The following CACNA1I variants were observed in gnomAD, a reference collection of about 807,000 sequenced individuals.
CACNA1I encodes calcium voltage-gated channel subunit alpha1 I.
CACNA1I carries 74 observed loss-of-function variants against 201.6 expected under a neutral mutation model. That is an observed-to-expected ratio of 0.37 (90% CI 0.30 to 0.45). CACNA1I has a LOEUF of 0.45. CACNA1I is among the 20% of genes least tolerant of loss of function. The pLI is 1.00. For synonymous variants in CACNA1I, 1,431 were observed against 1,345.2 expected (o/e 1.06, Z -1.40); for missense variants, 2,346 against 3,138.1 (o/e 0.75, Z 6.03).
rs552022742 is a variant in CACNA1I, at chr22:39,682,540, C to T, written c.5709C>T (p.Gly1903=). 5.0e-5 allele frequency: 81 copies of T among 1,613,736 alleles called. No individual in the cohort carries two copies. The highest frequency in any genetic ancestry group is 6.7e-5 in the East Asian group (3 of 44,866). ...AGCCCATGCGTGTGGGAGACCTGGG[C>T]GAATGCTTCTTCCCCTTGTCCTCTA... ...PPEPMRVGDL[G]ECFFPLSSTA... is the part of the protein sequence containing the mutation. The change falls in exon 35 of 37, where the codon GGC becomes GGT. Residue 1903 remains glycine, a synonymous_variant. Coordinates refer to ENST00000402142, the MANE Select transcript of CACNA1I (RefSeq NM_021096.4).
At chr22:39,658,054 C>A in intron 10 of CACNA1I, 98 bp from the exon 11 acceptor site, 2 of 1,316,316 alleles carry the variant, frequency 1.5e-6, no homozygotes, top group Admixed American at 1.8e-5. Flanking sequence ...AGGACACCGA[C>A]CTGCCAGGGT....
intron 4 of CACNA1I, among the ~76,000 whole-genome samples, chr22:39,626,197 G>A (rs770781336): frequency 2.2e-4 from 33 of 152,202 alleles, no homozygotes; most frequent in South Asian, 4.1e-4. Flanking sequence ...AGTAAGCCAC[G>A]TGCCTCTCCG....
chr22:39,606,894 A>G (rs1435574758), intron 3 of CACNA1I, among the ~76,000 whole-genome samples: 1 of 152,260 alleles, frequency 6.6e-6, no homozygotes, highest in Non-Finnish European at 1.5e-5. Context: ...TTAGGAGGTC[A>G]TGAACTATTC....
At position 39,666,884 on chromosome 22, in the gene CACNA1I, A is replaced by G. The variant is rs554735154; in HGVS notation, c.4104+878A>G. ...TCACTACCCCTGCCCTCCTGGGGAA[A>G]AGATGTCTTAGGAAGTTGAGGGGGA... On this transcript the variant is annotated intron_variant, in intron 23 of 36. Coordinates refer to ENST00000402142, the MANE Select transcript of CACNA1I (RefSeq NM_021096.4). This position sits in a 1 kb window ranked among gnomAD's most constrained non-coding sequence, Gnocchi z 4.1. Among the ~76,000 whole-genome samples the G allele has an allele frequency of 1.3e-5, 2 of 152,290 alleles. No homozygotes were observed. Among genetic ancestry groups the G allele is most frequent in the Admixed American group, 1.3e-4 (2 of 15,300 alleles).
chr22:39,661,970 C>G lies in CACNA1I; in HGVS notation c.2907C>G (p.Ser969Arg). 6.5e-7 allele frequency: 1 copy of G among 1,528,550 alleles called. No homozygotes were observed. Among genetic ancestry groups the G allele is most frequent in the Non-Finnish European group, 8.7e-7 (1 of 1,143,192 alleles). 94.7% of individuals were successfully genotyped at this position (1,528,550 alleles called of 1,614,324 possible). ...CGAACGGGAACTCCTTCCAGTCCAGCTCCCGGAGCTCCTACTACGGGCCAT... is the reference window on the plus strand; with the variant it reads ...CGAACGGGAACTCCTTCCAGTCCAGGTCCCGGAGCTCCTACTACGGGCCAT... ...RMSYDQRSLS[S>R]SRSSYYGPWG... is the part of the protein sequence containing the mutation. Residue 969 changes from serine to arginine, a missense_variant, in exon 17 of 37, where the codon AGC becomes AGG. By Grantham distance (110) the Ser-to-Arg change is moderately radical. Coordinates refer to ENST00000402142, the MANE Select transcript of CACNA1I (RefSeq NM_021096.4).
intron 17 of CACNA1I, 117 bp from the exon 18 acceptor site, chr22:39,662,659 G>T: frequency 1.3e-6 from 1 of 777,934 alleles, no homozygotes; most frequent in Non-Finnish European, 2.1e-6. Context: ...GGCTGCCCCC[G>T]GGGGGCAGAG....
At chr22:39,680,359 C>G (rs1435642707) in intron 33 of CACNA1I, among the ~76,000 whole-genome samples, 1 of 152,196 alleles carries the variant, frequency 6.6e-6, no homozygotes, top group Non-Finnish European at 1.5e-5. Flanking sequence ...TCCCCTCTCC[C>G]CAGCAGTGTG....
chr22:39,634,945 G>A (rs143948588), intron 5 of CACNA1I, among the ~76,000 whole-genome samples: 420 of 152,152 alleles, frequency 2.8e-3, no homozygotes, highest in Non-Finnish European at 4.7e-3. Flanking sequence ...TTGGCTCTCC[G>A]CCCACAGCAC....
At chr22:39,579,528 G>C (rs1321893491) in intron 1 of CACNA1I, among the ~76,000 whole-genome samples, 1 of 152,230 alleles carries the variant, frequency 6.6e-6, no homozygotes, top group African/African-American at 2.4e-5. Flanking sequence ...TACAAGAAGT[G>C]TGATGCCAGC....
At chr22:39,584,981 T>A (rs1932695094) in intron 1 of CACNA1I, among the ~76,000 whole-genome samples, 1 of 152,258 alleles carries the variant, frequency 6.6e-6, no homozygotes, top group Non-Finnish European at 1.5e-5. Context: ...AATATATGTT[T>A]CTTTATCAAA....
chr22:39,673,443 C>T (rs1935431106), intron 28 of CACNA1I, among the ~76,000 whole-genome samples: 1 of 152,226 alleles, frequency 6.6e-6, no homozygotes, highest in African/African-American at 2.4e-5. Context: ...TCCTCGCTGG[C>T]ATTTCTCAAA....
chr22:39,650,360 C>T (rs897465422), intron 10 of CACNA1I, among the ~76,000 whole-genome samples: 5 of 152,106 alleles, frequency 3.3e-5, no homozygotes, highest in Admixed American at 3.3e-4. Flanking sequence ...GCTCTGCTGC[C>T]CAGGCTGGAG....
chr22:39,652,126 C>T (rs1934670395), intron 10 of CACNA1I, among the ~76,000 whole-genome samples: 1 of 152,122 alleles, frequency 6.6e-6, no homozygotes, highest in Non-Finnish European at 1.5e-5. Context: ...CTCCCCCTCC[C>T]AGGTTCAAGC....
intron 1 of CACNA1I, among the ~76,000 whole-genome samples, chr22:39,592,193 C>T (rs1191993938): frequency 6.6e-6 from 1 of 152,170 alleles, no homozygotes; most frequent in Non-Finnish European, 1.5e-5. Flanking sequence ...CAAGGAAACT[C>T]GATTGATTGC....
chr22:39,571,737 C>T lies in CACNA1I; in HGVS notation c.236+749C>T, dbSNP rs145384438. Among the ~76,000 whole-genome samples, 514 of 152,360 alleles carry T rather than the reference C, an allele frequency of 3.4e-3. 12 individuals carry two copies. Among genetic ancestry groups the T allele is most frequent in the Admixed American group, 0.027 (406 of 15,302 alleles). ...CCTTAAAATCCCAGCTTAAGCATCA[C>T]CTCCTCAGGGAAGCCCTCTGGGATT... On this transcript the variant is annotated intron_variant, in intron 1 of 36. Transcript: ENST00000402142.
chr22:39,644,684 C>CTT (rs879636992), intron 7 of CACNA1I, among the ~76,000 whole-genome samples: 4 of 144,662 alleles, frequency 2.8e-5, no homozygotes, highest in African/African-American at 7.6e-5. Flanking sequence ...AATTTTCTTT[C>CTT]TTTTTTTTTT....
intron 18 of CACNA1I, among the ~76,000 whole-genome samples, 196 bp downstream of exon 18, chr22:39,663,072 A>G (rs1017425860): frequency 3.3e-5 from 5 of 152,064 alleles, no homozygotes; most frequent in African/African-American, 1.2e-4. Context: ...GGGGAGTGGG[A>G]TTGGCTGGAG....
At chr22:39,576,536 A>T (rs1932361011) in intron 1 of CACNA1I, among the ~76,000 whole-genome samples, 1 of 152,208 alleles carries the variant, frequency 6.6e-6, no homozygotes, top group South Asian at 2.1e-4. Context: ...CCACCAGGGC[A>T]GAGAGGAGCT....
intron 10 of CACNA1I, among the ~76,000 whole-genome samples, chr22:39,651,007 TG>T (rs1475979317): frequency 3.9e-5 from 6 of 152,160 alleles, no homozygotes; most frequent in Non-Finnish European, 7.4e-5. Context: ...GTGGCAGGTC[TG>T]GTCCTGCCCC....
Sources: gnomAD v4.1 joint callset for allele counts (sites outside exome capture counted in the v4.1 genomes callset) on GRCh38, gnomAD v4.1.1 for gene constraint, Gnocchi (gnomAD v3.1) non-coding constraint, MANE v1.5 for transcripts, NCBI Gene and HGNC (gene_info 2026-07-23, HGNC 2026-07-21) for gene names.